Variants in FANCL observed in about 807,000 individuals in gnomAD.
FANCL encodes the protein E3 ubiquitin-protein ligase FANCL.
FANCL carries 69 observed loss-of-function variants against 59.4 expected under a neutral mutation model. That is an observed-to-expected ratio of 1.16 (90% CI 0.96 to 1.42). The LOEUF (loss-of-function observed/expected upper bound fraction) is 1.42. Ranked by LOEUF, FANCL falls within the 40% of genes most tolerant of loss-of-function variation. The pLI is 0.00. For synonymous variants in FANCL, 180 were observed against 147.1 expected, an observed-to-expected ratio of 1.22 and a Z score of -1.62; for missense variants, 519 against 447.2, an observed-to-expected ratio of 1.16 and a Z score of -1.45.
intron 5 of FANCL, among the ~76,000 whole-genome samples, chr2:58,211,188 C>T (rs888711111): frequency 1.3e-5 from 2 of 152,232 alleles, no homozygotes; most frequent in African/African-American, 4.8e-5. Context: ...AATTTCCATA[C>T]ATCTTCTGAA....
chr2:58,204,724 T>G (rs1275669531), intron 5 of FANCL, among the ~76,000 whole-genome samples: 1 of 152,088 alleles, frequency 6.6e-6, no homozygotes, highest in Non-Finnish European at 1.5e-5. Context: ...ATTGATCCTC[T>G]AAGGAAAATG....
At position 58,160,023 on chromosome 2, in the gene FANCL, C is replaced by CTGA. The variant is rs997214605; in HGVS notation, c.1092+82_1092+84dup. ...ATGAGTTTCAAAAGTTTTAGATAAA[C>CTGA]TGATATACTATATAGATCTATCTTC... On this transcript the variant is annotated intron_variant, in intron 13 of 13. Transcript: ENST00000233741. 1.7e-5 allele frequency: 27 copies of CTGA among 1,590,990 alleles called. No individual in the cohort carries two copies. In the South Asian group the frequency reaches 1.8e-4, roughly 11 times the overall value.
At chr2:58,227,301 T>G (rs1259720715) in intron 3 of FANCL, among the ~76,000 whole-genome samples, 1 of 152,210 alleles carries the variant, frequency 6.6e-6, no homozygotes, top group Non-Finnish European at 1.5e-5. Context: ...TCAGCTCAAT[T>G]AGACCCCTGC....
intron 5 of FANCL, 71 bp downstream of exon 5, chr2:58,221,870 TA>T: frequency 9.0e-7 from 1 of 1,114,190 alleles, no homozygotes; most frequent in Non-Finnish European, 1.3e-6. Context: ...TATAAACTGC[TA>T]AAACTAGAAA....
chr2:58,219,299 A>G (rs1692239476), intron 5 of FANCL, among the ~76,000 whole-genome samples: 1 of 150,330 alleles, frequency 6.7e-6, no homozygotes, highest in South Asian at 2.1e-4. Context: ...AAAATAAAAT[A>G]GTATTTGATT....
intron 5 of FANCL, among the ~76,000 whole-genome samples, chr2:58,211,283 G>T (rs1432465290): frequency 6.6e-6 from 1 of 152,138 alleles, no homozygotes; most frequent in African/African-American, 2.4e-5. Flanking sequence ...CAAGGCTTGG[G>T]GTTTGCACCC....
rs755618937 is a variant in FANCL, at chr2:58,159,504, A to G, written c.*261T>C. On this transcript the variant is annotated 3_prime_UTR_variant, in exon 14 of 14. Transcript: ENST00000233741. ...GTCCAGATATATTCAAGAAGTCAAGATCTCCATCTTGGTATAAATACACTT... is the reference window on the plus strand; with the variant it reads ...GTCCAGATATATTCAAGAAGTCAAGGTCTCCATCTTGGTATAAATACACTT... 22 of 1,613,644 alleles carry G rather than the reference A, an allele frequency of 1.4e-5. No homozygotes were observed. Among genetic ancestry groups the G allele is most frequent in the Non-Finnish European group, 1.9e-5 (22 of 1,179,804 alleles).
chr2:58,221,945 T>C lies in FANCL; in HGVS notation c.371A>G (p.Asp124Gly). ...ACATATTTTAAAACAGACATACTTATCCCAACCAAGAGTTCCTATCTCTTC... is the reference window on the plus strand; with the variant it reads ...ACATATTTTAAAACAGACATACTTACCCCAACCAAGAGTTCCTATCTCTTC... ...LIEEIGTLGW[D>G]KLVYADTCFS... The change falls in exon 5 of 14, where the codon GAT (aspartate) becomes GGT (glycine). Residue 124 changes from aspartate (D) to glycine (G), a missense_variant. Transcript: ENST00000233741. 6.2e-7 allele frequency: 1 copy of C among 1,603,464 alleles called. No individual in the cohort carries two copies. Among genetic ancestry groups the C allele is most frequent in the Non-Finnish European group, 8.5e-7 (1 of 1,170,506 alleles).
intron 7 of FANCL, among the ~76,000 whole-genome samples, chr2:58,178,037 C>CA (rs983493747): frequency 6.2e-4 from 94 of 152,114 alleles, no homozygotes; most frequent in African/African-American, 2.1e-3. Flanking sequence ...AAGACTAAAT[C>CA]AGGAAGAAGT....
chr2:58,182,853 G>A (rs1325680100), intron 7 of FANCL, among the ~76,000 whole-genome samples: 2 of 151,576 alleles, frequency 1.3e-5, no homozygotes, highest in African/African-American at 2.4e-5. Flanking sequence ...AGAGTATGCT[G>A]ATTAAGATCA....
In FANCL at chr2:58,216,454, A is replaced by T. The variant is rs376129811; in HGVS notation, c.374+5488T>A. On this transcript the variant is annotated intron_variant, in intron 5 of 13. Transcript: ENST00000233741. ...CAGCAGGGGCAATGAGAAAAGGTAC[A>T]CTAACTAGTATGCCTCCAAATTAAG... Among the ~76,000 whole-genome samples the T allele has an allele frequency of 1.3e-3, 202 of 152,296 alleles. 4 individuals carry two copies. The highest frequency in any genetic ancestry group is 4.7e-3 in the African/African-American group (194 of 41,574).
At chr2:58,191,097 C>T (rs564562510) in intron 7 of FANCL, among the ~76,000 whole-genome samples, 1 of 151,462 alleles carries the variant, frequency 6.6e-6, no homozygotes, top group Non-Finnish European at 1.5e-5. Flanking sequence ...CATATAAACA[C>T]CCACATATTC....
intron 7 of FANCL, among the ~76,000 whole-genome samples, chr2:58,178,671 C>A (rs1043860683): frequency 1.3e-5 from 2 of 152,066 alleles, no homozygotes; most frequent in African/African-American, 4.8e-5. Flanking sequence ...CAAACCAGCA[C>A]AAGACAAGGA....
intron 7 of FANCL, among the ~76,000 whole-genome samples, chr2:58,191,086 G>C (rs1558774353): frequency 6.6e-6 from 1 of 150,944 alleles, no homozygotes; most frequent in African/African-American, 2.4e-5. Context: ...GCATGCACAA[G>C]CATATAAACA....
At chr2:58,169,111 C>A (rs1686262803) in intron 7 of FANCL, among the ~76,000 whole-genome samples, 1 of 152,140 alleles carries the variant, frequency 6.6e-6, no homozygotes, top group Admixed American at 6.5e-5. Flanking sequence ...AAGGGACAGA[C>A]TGCCTCCTCA....
chr2:58,176,311 CG>C (rs1421632932), intron 7 of FANCL, among the ~76,000 whole-genome samples: 1 of 151,948 alleles, frequency 6.6e-6, no homozygotes, highest in Admixed American at 6.6e-5. Context: ...AAAAAGAGCC[CG>C]CATCGCCAAG....
chr2:58,159,970 G>C (rs1326360761), intron 13 of FANCL, 138 bp downstream of exon 13: 1 of 1,527,774 alleles, frequency 6.5e-7, no homozygotes. Flanking sequence ...TTTTTGATCA[G>C]AGAATTTGAA....
chr2:58,212,173 C>T (rs570046360), intron 5 of FANCL, among the ~76,000 whole-genome samples: 2 of 152,170 alleles, frequency 1.3e-5, no homozygotes, highest in Non-Finnish European at 2.9e-5. Context: ...GGAAGCCTCA[C>T]AATCATGGTG....
At chr2:58,182,148 G>C (rs1687996374) in intron 7 of FANCL, among the ~76,000 whole-genome samples, 1 of 151,714 alleles carries the variant, frequency 6.6e-6, no homozygotes, top group Non-Finnish European at 1.5e-5. Flanking sequence ...TATGGATATA[G>C]GTAAGAAACC....
Sources: allele counts gnomAD v4.1 joint callset (sites outside exome capture counted in the v4.1 genomes callset), GRCh38; gene constraint gnomAD v4.1.1; transcripts MANE v1.5; gene names NCBI Gene and HGNC (gene_info 2026-07-23, HGNC 2026-07-21).